PAPPA: variants seen among roughly 807,000 people sequenced by gnomAD.
PAPPA encodes the protein pappalysin 1.
PAPPA carries 60 observed loss-of-function variants against 164.0 expected under a neutral mutation model. That is an observed-to-expected ratio of 0.37 (90% confidence interval 0.30 to 0.45). The LOEUF (loss-of-function observed/expected upper bound fraction) is 0.45. PAPPA is among the 20% of genes least tolerant of loss of function. The pLI is 1.00. For synonymous variants in PAPPA, 875 were observed against 814.1 expected, an observed-to-expected ratio of 1.07 and a Z score of -1.27; for missense variants, 1,782 against 2,087.3, an observed-to-expected ratio of 0.85 and a Z score of 2.85.
At chr9:116,361,334 C>G (rs538146683) in intron 17 of PAPPA, among the ~76,000 whole-genome samples, 1 of 152,250 alleles carries the variant, frequency 6.6e-6, no homozygotes, top group South Asian at 2.1e-4. Context: ...TATGGGCCCC[C>G]TGCACAGAAA....
At chr9:116,160,485 T>C (rs1347974441) in intron 1 of PAPPA, among the ~76,000 whole-genome samples, 1 of 152,226 alleles carries the variant, frequency 6.6e-6, no homozygotes, top group Non-Finnish European at 1.5e-5. Context: ...TGCCCTGGGC[T>C]AGTCCTTTAG....
intron 10 of PAPPA, among the ~76,000 whole-genome samples, chr9:116,307,746 C>T (rs1264563072): frequency 2.0e-5 from 3 of 151,884 alleles, no homozygotes; most frequent in African/African-American, 7.3e-5. Flanking sequence ...GAGAGCATGG[C>T]CGTTAATGAG....
chr9:116,178,737 A>G (rs1490665332), intron 1 of PAPPA, among the ~76,000 whole-genome samples: 3 of 152,224 alleles, frequency 2.0e-5, no homozygotes, highest in Non-Finnish European at 4.4e-5. Flanking sequence ...TACAACTGTC[A>G]GAGGAAGATG....
chr9:116,354,737 T>A lies in PAPPA; in HGVS notation c.4347+944T>A, dbSNP rs569421120. The stretch of plus-strand genomic sequence containing the variant: ...ACATCAACTCTTTGATGAGCCACCA[T>A]GCAGCTTCGTGATCATTTTCCTGTT... On this transcript the variant is annotated intron_variant, in intron 17 of 21. Coordinates refer to ENST00000328252, the MANE Select transcript of PAPPA (RefSeq NM_002581.5). Among the ~76,000 whole-genome samples the A allele has an allele frequency of 1.8e-3, 277 of 152,310 alleles. 2 individuals are homozygous for A. Among genetic ancestry groups the A allele is most frequent in the Middle Eastern group, 6.8e-3 (2 of 294 alleles).
At chr9:116,393,092 C>G (rs555602464) in intron 21 of PAPPA, among the ~76,000 whole-genome samples, 14 of 152,218 alleles carry the variant, frequency 9.2e-5, no homozygotes, top group African/African-American at 3.4e-4. Context: ...GTGCCAAGAC[C>G]GGCCTGAGAA....
At chr9:116,295,690 C>A (rs1318926153) in intron 9 of PAPPA, among the ~76,000 whole-genome samples, 1 of 151,990 alleles carries the variant, frequency 6.6e-6, no homozygotes, top group African/African-American at 2.4e-5. Context: ...TGTATTAGTT[C>A]CAGGATTTAC....
Position 116,187,800 on chromosome 9 carries a change from C to T in PAPPA, c.1062C>T (p.Arg354=), listed in dbSNP as rs1479189918. The change falls in exon 2 of 22, where the codon CGC becomes CGT. Residue 354 remains arginine (R), a synonymous_variant. Transcript: ENST00000328252. The surrounding 1 kb of genome is among the most constrained non-coding windows in gnomAD (Gnocchi z 4.2). ...LSSFRQPKVV[R]YRVVNLYEDD... ...GTTTCCGCCAGCCCAAGGTGGTGCG[C>T]TACCGCGTGGTCAACCTCTATGAAG... 2.5e-6 allele frequency: 4 copies of T among 1,614,268 alleles called. No individual in the cohort carries two copies. The highest frequency in any genetic ancestry group is 3.4e-6 in the Non-Finnish European group (4 of 1,180,052).
rs545770786 is a variant in PAPPA, at chr9:116,296,143, T to C, written c.2954-6614T>C. The stretch of plus-strand genomic sequence containing the variant: ...AGAAGCAATCCCTTGGGGTTTAATT[T>C]TGAAAACTGCAATCCCAAGGTTTGA... On this transcript the variant is annotated intron_variant, in intron 9 of 21. Coordinates refer to ENST00000328252, the MANE Select transcript of PAPPA (RefSeq NM_002581.5). Among the ~76,000 whole-genome samples the C allele has an allele frequency of 7.5e-4, 114 of 152,350 alleles. 1 individual carries two copies. Among genetic ancestry groups the C allele is most frequent in the African/African-American group, 2.6e-3 (107 of 41,582 alleles).
Position 116,253,798 on chromosome 9 carries a change from A to T in PAPPA, c.2733-12059A>T, listed in dbSNP as rs116121159. On this transcript the variant is annotated intron_variant, in intron 7 of 21. Transcript: ENST00000328252. ...CATTCAGTAAAGAAGGACATTTTGT[A>T]AGTTTTAGTTATTGTTAAATAAAAT... Among the ~76,000 whole-genome samples the T allele has an allele frequency of 6.5e-3, 995 of 152,342 alleles. 11 individuals are homozygous for T. Among genetic ancestry groups the T allele is most frequent in the African/African-American group, 0.023 (949 of 41,574 alleles).
intron 13 of PAPPA, among the ~76,000 whole-genome samples, chr9:116,338,443 G>A (rs529690551): frequency 1.1e-3 from 162 of 152,200 alleles, no homozygotes; most frequent in African/African-American, 3.6e-3. Flanking sequence ...TGGGGGTGGG[G>A]GTGCCCAAAG....
chr9:116,198,300 A>G (rs1157930287), intron 2 of PAPPA, among the ~76,000 whole-genome samples: 2 of 152,192 alleles, frequency 1.3e-5, no homozygotes, highest in Non-Finnish European at 1.5e-5. Flanking sequence ...TTAGCAAGAG[A>G]TTCCTCAAGC....
intron 9 of PAPPA, chr9:116,286,882 A>G (rs1420036760): frequency 2.0e-5 from 3 of 152,132 alleles, no homozygotes; most frequent in Non-Finnish European, 4.4e-5. Flanking sequence ...TATTTTGCCA[A>G]TTTGCCAAAG....
chr9:116,257,205 T>C (rs1046504770), intron 7 of PAPPA, among the ~76,000 whole-genome samples: 1 of 152,034 alleles, frequency 6.6e-6, no homozygotes, highest in African/African-American at 2.4e-5. Flanking sequence ...TAATTCACAA[T>C]ATTTGTGAAT....
chr9:116,253,241 A>G (rs917482561), intron 7 of PAPPA, among the ~76,000 whole-genome samples: 6 of 151,926 alleles, frequency 3.9e-5, no homozygotes, highest in Non-Finnish European at 8.8e-5. Context: ...AGCACTCTCC[A>G]AACTCTACTT....
rs965218392 is a variant in PAPPA at position 116,347,881 on chromosome 9, C to A, written c.3964+672C>A. The stretch of plus-strand genomic sequence containing the variant: ...AAAGTGAGTAGCTGGCCTGGGTGTC[C>A]TAGAATGCTGGGACTAGATGTGGAA... On this transcript the variant is annotated intron_variant, in intron 15 of 21. Transcript: ENST00000328252. This position sits in a 1 kb window ranked among gnomAD's most constrained non-coding sequence, Gnocchi z 4.5. Among the ~76,000 whole-genome samples, 2 of 152,100 alleles carry A rather than the reference C, an allele frequency of 1.3e-5. No individual in the cohort carries two copies. Among genetic ancestry groups the A allele is most frequent in the Non-Finnish European group, 2.9e-5 (2 of 67,984 alleles).
Position 116,154,684 on chromosome 9 carries a change from G to C in PAPPA, c.415+97G>C. On this transcript the variant is annotated intron_variant, in intron 1 of 21. Coordinates refer to ENST00000328252, the MANE Select transcript of PAPPA (RefSeq NM_002581.5). This position sits in a 1 kb window ranked among gnomAD's most constrained non-coding sequence, Gnocchi z 5.2. ...GGTGGCGGGCGGGTCGGGGGCTTGC[G>C]GGCGTGTCTGTGCGAGAGCTGCCCC... 8.1e-7 allele frequency: 1 copy of C among 1,229,568 alleles called. No homozygotes were observed. 76.2% of individuals were successfully genotyped at this position (1,229,568 alleles called of 1,614,324 possible).
intron 1 of PAPPA, among the ~76,000 whole-genome samples, chr9:116,158,123 C>T (rs1843625116): frequency 6.6e-6 from 1 of 152,072 alleles, no homozygotes; most frequent in South Asian, 2.1e-4. Context: ...TACCTGAATC[C>T]CATCCAGCAC....
At chr9:116,308,434 G>A (rs932084832) in intron 10 of PAPPA, among the ~76,000 whole-genome samples, 3 of 152,172 alleles carry the variant, frequency 2.0e-5, no homozygotes, top group Admixed American at 6.5e-5. Flanking sequence ...CAAATTTCAC[G>A]AATCCTACTA....
intron 20 of PAPPA, among the ~76,000 whole-genome samples, chr9:116,378,769 A>C (rs990800286): frequency 6.6e-6 from 1 of 152,090 alleles, no homozygotes; most frequent in Non-Finnish European, 1.5e-5. Flanking sequence ...ACAAAGACAA[A>C]ACGTAAGCCC....
Sources: gnomAD v4.1 joint callset for allele counts (sites outside exome capture counted in the v4.1 genomes callset) on GRCh38, gnomAD v4.1.1 for gene constraint, Gnocchi (gnomAD v3.1) non-coding constraint, MANE v1.5 for transcripts, NCBI Gene and HGNC (gene_info 2026-07-23, HGNC 2026-07-21) for gene names.